Variants in DMD observed in about 807,000 individuals in gnomAD.
DMD encodes the protein dystrophin, also known as mutant dystrophin.
DMD carries 63 observed loss-of-function variants against 330.1 expected under a neutral mutation model. That is an observed-to-expected ratio of 0.19 (90% confidence interval 0.16 to 0.24). DMD has a LOEUF of 0.24. DMD is among the 10% of genes least tolerant of loss of function. The pLI is 1.00. For missense variants in DMD, 3,344 were observed against 2,684.1 expected (o/e 1.25, Z -5.43); for synonymous variants, 1,223 against 959.8 (o/e 1.27, Z -5.07).
intron 7 of DMD, among the ~76,000 whole-genome samples, chrX:32,744,345 TC>T (rs889688199): frequency 9.0e-6 from 1 of 110,994 alleles, no homozygotes; most frequent in African/African-American, 3.3e-5. Flanking sequence ...TGATCAACCC[TC>T]CCACCTCTCT....
intron 62 of DMD, among the ~76,000 whole-genome samples, chrX:31,299,001 C>A (rs1368279600): frequency 8.9e-6 from 1 of 111,734 alleles, no homozygotes; most frequent in Non-Finnish European, 1.9e-5. Context: ...CAACAAAACA[C>A]CTCCTGTTGC....
At chrX:33,304,362 T>C (rs915471312) in intron 1 of DMD, among the ~76,000 whole-genome samples, 1 of 111,307 alleles carries the variant, frequency 9.0e-6, no homozygotes, top group Admixed American at 9.6e-5. Context: ...TGGCTAGCCA[T>C]ATGGAGAAAG....
At chrX:32,536,361 C>T in intron 17 of DMD, among the ~76,000 whole-genome samples, 1 of 108,164 alleles carries the variant, frequency 9.2e-6, no homozygotes, top group Non-Finnish European at 1.9e-5. Flanking sequence ...AGCACGGTGG[C>T]AGGTAACATG....
chrX:33,004,126 G>A (rs2093346454), intron 2 of DMD, among the ~76,000 whole-genome samples: 1 of 110,326 alleles, frequency 9.1e-6, no homozygotes, highest in Non-Finnish European at 1.9e-5. Context: ...AAATATATGA[G>A]TATGAACATC....
At position 32,858,695 on chromosome X, in the gene DMD, G is replaced by A. The variant is rs184857502; in HGVS notation, c.94-8875C>T. Among the ~76,000 whole-genome samples, 472 of 110,692 alleles carry A rather than the reference G, an allele frequency of 4.3e-3. 1 individual carries two copies. Among genetic ancestry groups the A allele is most frequent in the Non-Finnish European group, 6.8e-3 (359 of 52,858 alleles). On this transcript the variant is annotated intron_variant, in intron 2 of 78. Transcript: ENST00000357033. The stretch of plus-strand genomic sequence containing the variant: ...CCCACCCCCGTTCCCACGGTCTGAT[G>A]TGGTTTTTTTTTTAGTGAAATGTGC...
At chrX:32,791,316 C>A (rs1380803611) in intron 7 of DMD, among the ~76,000 whole-genome samples, 2 of 111,813 alleles carry the variant, frequency 1.8e-5, no homozygotes, top group African/African-American at 3.3e-5. Context: ...TCCTGACAAC[C>A]AAGCAAGCCA....
At chrX:32,309,680 T>C (rs1450185741) in intron 42 of DMD, among the ~76,000 whole-genome samples, 2 of 111,095 alleles carry the variant, frequency 1.8e-5, no homozygotes, top group Non-Finnish European at 3.8e-5. Flanking sequence ...ATAAAAAATA[T>C]AAAACAAAAA....
chrX:32,413,823 T>A (rs1216680261), intron 29 of DMD, among the ~76,000 whole-genome samples: 6 of 105,868 alleles, frequency 5.7e-5, no homozygotes, highest in African/African-American at 2.1e-4. Flanking sequence ...CTGGTTCAAG[T>A]GATTCTCCTG....
intron 5 of DMD, 106 bp from the exon 6 acceptor site, chrX:32,816,746 G>C (rs2077796168): frequency 2.7e-6 from 2 of 751,939 alleles, no homozygotes; most frequent in Non-Finnish European, 4.0e-6. Context: ...AGAAATTTTA[G>C]GGCCAATTAG....
At chrX:32,149,701 T>C (rs1050077194) in intron 44 of DMD, among the ~76,000 whole-genome samples, 4 of 111,876 alleles carry the variant, frequency 3.6e-5, no homozygotes, top group African/African-American at 1.3e-4. Context: ...GGCCATCTAC[T>C]AAGACAGTTT....
chrX:31,242,262 CAAAAAAAAAAAAAAAAA>C lies in DMD; in HGVS notation c.9286+18676_9286+18692del, dbSNP rs72176984. Among the ~76,000 whole-genome samples, 43 of 24,642 alleles carry C rather than the reference CAAAAAAAAAAAAAAAAA, an allele frequency of 1.7e-3. 1 individual carries two copies. The highest frequency in any genetic ancestry group is 5.2e-3 in the African/African-American group (42 of 8,126). The allele number at this position is 24,642 out of a possible 115,157, so 21.4% of individuals were successfully genotyped here. The stretch of plus-strand genomic sequence containing the variant: ...CAAAGTGAGACCCTGTCTCAAAAAG[CAAAAAAAAAAAAAAAAA>C]AAAAAAAAAAAATCTGGAGTAGATT... On this transcript the variant is annotated intron_variant, in intron 63 of 78. Transcript: ENST00000357033.
intron 13 of DMD, among the ~76,000 whole-genome samples, chrX:32,583,454 T>C (rs1233016232): frequency 9.0e-6 from 1 of 111,465 alleles, no homozygotes; most frequent in Non-Finnish European, 1.9e-5. Flanking sequence ...AGCTGAGATC[T>C]TGCCACTGCA....
At chrX:32,566,449 T>C (rs1466594150) in intron 15 of DMD, among the ~76,000 whole-genome samples, 1 of 112,563 alleles carries the variant, frequency 8.9e-6, no homozygotes, top group Non-Finnish European at 1.9e-5. Flanking sequence ...CATTATGTGA[T>C]TTACTGACCA....
At chrX:32,123,244 A>ATATATATAT (rs1569544914) in intron 44 of DMD, among the ~76,000 whole-genome samples, 24 of 42,706 alleles carry the variant, frequency 5.6e-4, no homozygotes, top group African/African-American at 2.1e-3. Flanking sequence ...TATATATATA[A>ATATATATAT]ATGATCAAAA....
intron 65 of DMD, 92 bp downstream of exon 65, chrX:31,209,406 A>AGG: frequency 1.1e-6 from 1 of 887,773 alleles, no homozygotes. Context: ...CACAGCTTCC[A>AGG]GGGCCCTGTT....
chrX:32,681,262 C>T (rs16990581), intron 9 of DMD, among the ~76,000 whole-genome samples: 1,959 of 111,333 alleles, frequency 0.018, 37 homozygotes, highest in African/African-American at 0.061. Flanking sequence ...GAGTACGAGT[C>T]GATGGACCAT....
In DMD at chrX:32,657,771, C is replaced by G. The variant is rs138066950; in HGVS notation, c.961-12619G>C. Among the ~76,000 whole-genome samples the G allele has an allele frequency of 6.8e-3, 761 of 111,558 alleles. 6 individuals are homozygous for G. Among genetic ancestry groups the G allele is most frequent in the African/African-American group, 0.024 (730 of 30,827 alleles). ...GATAGTTACAAAATGTCTCAGAAGA[C>G]CAAATAAATTCTTAATGTTATTTTC... On this transcript the variant is annotated intron_variant, in intron 9 of 78. Coordinates refer to ENST00000357033, the MANE Select transcript of DMD (RefSeq NM_004006.3).
chrX:33,225,549 C>T (rs1459883130), intron 1 of DMD, among the ~76,000 whole-genome samples: 1 of 111,419 alleles, frequency 9.0e-6, no homozygotes, highest in Non-Finnish European at 1.9e-5. Context: ...CATAACTTTA[C>T]ACCTTATGCA....
chrX:32,826,310 A>G, intron 4 of DMD, among the ~76,000 whole-genome samples: 1 of 112,212 alleles, frequency 8.9e-6, no homozygotes, highest in Middle Eastern at 4.7e-3. Context: ...AAACTACCAT[A>G]TAATTCAGGA....
Sources: allele counts gnomAD v4.1 joint callset (sites outside exome capture counted in the v4.1 genomes callset), GRCh38; gene constraint gnomAD v4.1.1; transcripts MANE v1.5; gene names NCBI Gene and HGNC (gene_info 2026-07-23, HGNC 2026-07-21).